ZC3H12B: variants seen among roughly 807,000 people sequenced by gnomAD.
The protein encoded by ZC3H12B is zinc finger CCCH-type containing 12B, also known as probable ribonuclease ZC3H12B.
Under a neutral mutation model 43.9 loss-of-function variants are expected in ZC3H12B, and 7 were observed. The observed-to-expected ratio is 0.16, with a 90% CI of 0.09 to 0.30. ZC3H12B has a LOEUF of 0.30. Among genes scored for constraint, ZC3H12B ranks in the 10% least tolerant of loss-of-function variants. The pLI is 1.00. For synonymous variants in ZC3H12B, 222 were observed against 241.7 expected (o/e 0.92, Z 0.76); for missense variants, 475 against 670.2 (o/e 0.71, Z 3.22).
At chrX:65,103,905 T>G in the ZC3H12B span, among the ~76,000 whole-genome samples, 1 of 111,933 alleles carries the variant, frequency 8.9e-6, no homozygotes, top group East Asian at 2.8e-4. Context: ...CTTCACAGAA[T>G]TAGAAAAAAC....
At chrX:65,174,156 C>T in the ZC3H12B span, among the ~76,000 whole-genome samples, 1 of 111,295 alleles carries the variant, frequency 9.0e-6, no homozygotes, top group Non-Finnish European at 1.9e-5. Flanking sequence ...AACCAGAGCT[C>T]TCCTGTATGA....
the ZC3H12B span, among the ~76,000 whole-genome samples, chrX:65,095,546 A>T: frequency 9.0e-6 from 1 of 111,454 alleles, no homozygotes; most frequent in Admixed American, 9.6e-5. Flanking sequence ...CTGGGTGAGG[A>T]AAACCTGAAC....
At chrX:65,086,829 G>A in the ZC3H12B span, among the ~76,000 whole-genome samples, 1 of 111,805 alleles carries the variant, frequency 8.9e-6, no homozygotes, top group Non-Finnish European at 1.9e-5. Context: ...AACAGACTAA[G>A]ATATTCTTCA....
the ZC3H12B span, among the ~76,000 whole-genome samples, chrX:65,110,869 C>A: frequency 9.0e-6 from 1 of 111,169 alleles, no homozygotes; most frequent in Non-Finnish European, 1.9e-5. Flanking sequence ...GAATTCATAT[C>A]TCTGCATCTA....
chrX:65,482,557 G>A (rs747920026), intron 3 of ZC3H12B, among the ~76,000 whole-genome samples: 4 of 111,968 alleles, frequency 3.6e-5, no homozygotes, highest in African/African-American at 1.3e-4. Context: ...TCTTTTCCTA[G>A]ACCTTCTTTA....
chrX:65,119,052 T>C, the ZC3H12B span, among the ~76,000 whole-genome samples: 4 of 111,295 alleles, frequency 3.6e-5, no homozygotes, highest in Non-Finnish European at 7.5e-5. Flanking sequence ...TCTATCATTG[T>C]TGGACATTTG....
chrX:65,265,190 G>A, the ZC3H12B span, among the ~76,000 whole-genome samples: 1 of 112,058 alleles, frequency 8.9e-6, no homozygotes, highest in African/African-American at 3.2e-5. Flanking sequence ...AGAGAAACCT[G>A]ATGCTCAGAG....
intron 3 of ZC3H12B, among the ~76,000 whole-genome samples, chrX:65,478,247 C>G (rs2068021052): frequency 8.9e-6 from 1 of 111,898 alleles, no homozygotes; most frequent in African/African-American, 3.2e-5. Flanking sequence ...CTTCATTGCC[C>G]AGGCTATATT....
the ZC3H12B span, among the ~76,000 whole-genome samples, chrX:65,132,340 G>A: frequency 1.8e-5 from 2 of 111,355 alleles, no homozygotes; most frequent in Non-Finnish European, 1.9e-5. Context: ...CCATGCTGTA[G>A]CAGGTGAGTG....
At chrX:65,375,270 C>A (rs2066330687) in intron 2 of ZC3H12B, among the ~76,000 whole-genome samples, 1 of 111,869 alleles carries the variant, frequency 8.9e-6, no homozygotes, top group Non-Finnish European at 1.9e-5. Context: ...CCAGCCCCAG[C>A]CAGAGGGGAA....
chrX:65,392,972 G>T (rs2066646049), intron 2 of ZC3H12B, among the ~76,000 whole-genome samples: 2 of 111,992 alleles, frequency 1.8e-5, no homozygotes, highest in South Asian at 7.5e-4. Context: ...TGAAACATGT[G>T]CTATGTCAAC....
chrX:65,193,800 A>G, the ZC3H12B span, among the ~76,000 whole-genome samples: 1 of 111,702 alleles, frequency 9.0e-6, no homozygotes, highest in East Asian at 2.8e-4. Context: ...CTTTCTCTAT[A>G]TCTCATTGTA....
chrX:65,331,797 G>A, the ZC3H12B span, among the ~76,000 whole-genome samples: 1 of 110,906 alleles, frequency 9.0e-6, no homozygotes, highest in Non-Finnish European at 1.9e-5. Flanking sequence ...TCCATTTTTA[G>A]AACATATAGG....
chrX:65,273,895 C>G, the ZC3H12B span, among the ~76,000 whole-genome samples: 1 of 112,439 alleles, frequency 8.9e-6, no homozygotes, highest in Non-Finnish European at 1.9e-5. Context: ...TTCAAGATGG[C>G]TGACTAGAGA....
intron 3 of ZC3H12B, among the ~76,000 whole-genome samples, chrX:65,467,748 C>G (rs1434442888): frequency 1.8e-5 from 2 of 111,904 alleles, no homozygotes; most frequent in Non-Finnish European, 3.8e-5. Context: ...TTGTATATCT[C>G]CTTTTGAGAA....
Position 65,450,027 on chromosome X carries a change from C to T in ZC3H12B, n.408-38619C>T, listed in dbSNP as rs142024502. Among the ~76,000 whole-genome samples, 1,021 of 110,434 alleles carry T rather than the reference C, an allele frequency of 9.2e-3. 9 individuals are homozygous for T. Among genetic ancestry groups the T allele is most frequent in the Admixed American group, 0.013 (137 of 10,238 alleles). Reference sequence around the variant, plus strand: ...GAAATAAAAAATATATATTTTTAGGCTGGGCGTGGTAACTCACGCCTGTAA... The same window carrying T: ...GAAATAAAAAATATATATTTTTAGGTTGGGCGTGGTAACTCACGCCTGTAA... On this transcript the variant is annotated intron_variant and non_coding_transcript_variant, in intron 3 of 5. Coordinates refer to the ZC3H12B transcript ENST00000617377.
intron 3 of ZC3H12B, chrX:65,407,949 G>C (rs762805848): frequency 2.2e-5 from 17 of 762,950 alleles, no homozygotes; most frequent in Middle Eastern, 4.7e-4. Flanking sequence ...GGCCTAGCGC[G>C]CCTGCGTGCG....
At chrX:65,406,709 C>T (rs1244394315) in intron 3 of ZC3H12B, among the ~76,000 whole-genome samples, 1 of 111,337 alleles carries the variant, frequency 9.0e-6, no homozygotes, top group Non-Finnish European at 1.9e-5. Context: ...GCGCGGGCGG[C>T]GGCGGCGGCG....
chrX:65,311,243 C>G, the ZC3H12B span, among the ~76,000 whole-genome samples: 21 of 111,599 alleles, frequency 1.9e-4, no homozygotes, highest in African/African-American at 6.8e-4. Context: ...TTGCAATCCA[C>G]CCCTCTGACA....
Sources: allele counts gnomAD v4.1 joint callset (sites outside exome capture counted in the v4.1 genomes callset), GRCh38; gene constraint gnomAD v4.1.1; transcripts MANE v1.5; gene names NCBI Gene and HGNC (gene_info 2026-07-23, HGNC 2026-07-21).